The following ELFN2 variants were observed in gnomAD, a reference collection of about 807,000 sequenced individuals.
ELFN2 encodes the protein protein phosphatase 1 regulatory subunit 29.
In ELFN2, 17 loss-of-function variants were observed where a neutral mutation model predicts 45.5. The ratio of observed to expected loss-of-function variants is 0.37; its 90% CI spans 0.26 to 0.56. ELFN2 has a LOEUF of 0.56. Among genes scored for constraint, ELFN2 ranks in the 20% least tolerant of loss-of-function variants. The pLI, the probability that ELFN2 is intolerant of heterozygous loss-of-function variation, is 0.77. For missense variants in ELFN2, 922 were observed against 1,183.2 expected (o/e 0.78, Z 3.24); for synonymous variants, 550 against 551.5 (o/e 1.00, Z 0.04).
intron 1 of ELFN2, among the ~76,000 whole-genome samples, chr22:37,359,917 C>A (rs1931041715): frequency 6.6e-6 from 1 of 152,228 alleles, no homozygotes; most frequent in Non-Finnish European, 1.5e-5. Flanking sequence ...GTTCTGCAGT[C>A]ATGTTTATAC....
intron 2 of ELFN2, among the ~76,000 whole-genome samples, chr22:37,403,071 C>A (rs1932405270): frequency 6.6e-6 from 1 of 152,116 alleles, no homozygotes; most frequent in Non-Finnish European, 1.5e-5. Context: ...GCAGCCTATC[C>A]CAGTTACTAC....
At position 37,417,484 on chromosome 22, in the gene ELFN2, G is replaced by A. The variant is rs948971229; in HGVS notation, c.-463+285C>T. ...CCTCAGCCTCTCTGCCGGGTGATGG[G>A]GCAGGAGCTGGGGTCCTTGAGCCAA... is the stretch of plus-strand genomic sequence containing the variant. On this transcript the variant is annotated intron_variant, in intron 2 of 2. Transcript: ENST00000402918. This position sits in a 1 kb window ranked among gnomAD's most constrained non-coding sequence, Gnocchi z 4.5. Among the ~76,000 whole-genome samples the A allele has an allele frequency of 1.3e-5, 2 of 152,220 alleles. No homozygotes were observed. Among genetic ancestry groups the A allele is most frequent in the Non-Finnish European group, 2.9e-5 (2 of 68,034 alleles).
chr22:37,368,452 TGCCTGACCTTTAGTGAG>T lies in ELFN2; in HGVS notation c.*4603_*4619del, dbSNP rs935485182. On this transcript the variant is annotated 3_prime_UTR_variant, in exon 3 of 3. Transcript: ENST00000402918. ...TCCTCTCCCTCCTGCTCAGCAGGAC[TGCCTGACCTTTAGTGAG>T]GCCTGAAGCCGCCTCTGGAGGCAAG... The T allele has an allele frequency of 5.3e-5, 8 of 152,374 alleles. No homozygotes were observed. Among genetic ancestry groups the T allele is most frequent in the African/African-American group, 1.9e-4 (8 of 41,478 alleles). The allele number at this position is 152,374 out of a possible 1,614,324, so 9.4% of individuals were successfully genotyped here.
intron 2 of ELFN2, among the ~76,000 whole-genome samples, chr22:37,413,584 AG>A (rs1390155815): frequency 1.5e-4 from 22 of 150,964 alleles, no homozygotes; most frequent in Non-Finnish European, 2.5e-4. Flanking sequence ...AAAAAAAAAA[AG>A]ATCCCACAGC....
chr22:37,359,868 C>T (rs1931039941), intron 1 of ELFN2, among the ~76,000 whole-genome samples: 1 of 152,220 alleles, frequency 6.6e-6, no homozygotes, highest in Admixed American at 6.5e-5. Flanking sequence ...AGCAGGGCTA[C>T]CCCACGGGCA....
chr22:37,360,522 G>A (rs932625199), intron 1 of ELFN2, among the ~76,000 whole-genome samples: 2 of 152,312 alleles, frequency 1.3e-5, no homozygotes, highest in African/African-American at 4.8e-5. Flanking sequence ...AAGTCCTCCA[G>A]TTAAGAGCCG....
intron 2 of ELFN2, among the ~76,000 whole-genome samples, chr22:37,392,084 G>A (rs1932099380): frequency 6.6e-6 from 1 of 152,220 alleles, no homozygotes; most frequent in Non-Finnish European, 1.5e-5. Flanking sequence ...CTTCCTTCTT[G>A]CTGTCAGTGC....
chr22:37,374,499 C>G lies in ELFN2; in HGVS notation c.1036G>C (p.Val346Leu). ...TGCGCCCGCAGTTTGTCCAGCGTCA[C>G]GATCTCCTTCTTGTTCTTGAGGGTC... Reference protein sequence around the residue: ...VMTLKNKKEIVTLDKLRAHTE... With the variant: ...VMTLKNKKEILTLDKLRAHTE... The change falls in exon 3 of 3, where the codon GTG (valine) becomes CTG (leucine). Residue 346 changes from valine to leucine, a missense_variant. Around this residue, in one of 2 missense-constraint regions of ELFN2, gnomAD observed 358 missense variants for 540.4 expected, o/e 0.66. Transcript: ENST00000402918. 1 of 1,614,206 alleles carries G rather than the reference C, an allele frequency of 6.2e-7. No homozygotes were observed. The highest frequency in any genetic ancestry group is 8.5e-7 in the Non-Finnish European group (1 of 1,180,032).
downstream of ELFN2, among the ~76,000 whole-genome samples, chr22:37,365,898 C>T (rs1050223480): frequency 1.7e-4 from 15 of 90,536 alleles, no homozygotes; most frequent in African/African-American, 6.8e-4. Context: ...TTTTGTGTCA[C>T]GATATCTGAG....
chr22:37,349,266 A>G (rs1930768432), intron 1 of ELFN2, among the ~76,000 whole-genome samples: 1 of 151,216 alleles, frequency 6.6e-6, no homozygotes, highest in African/African-American at 2.4e-5. Flanking sequence ...CCAGAGGCCA[A>G]TGGGATGAGG....
In ELFN2 at chr22:37,344,428, C is replaced by T. The variant is rs73408378; in HGVS notation, n.149-1725G>A. Among the ~76,000 whole-genome samples the T allele has an allele frequency of 2.6e-3, 399 of 151,996 alleles. 3 individuals are homozygous for T. Among genetic ancestry groups the T allele is most frequent in the African/African-American group, 9.0e-3 (374 of 41,466 alleles). On this transcript the variant is annotated intron_variant and non_coding_transcript_variant, in intron 1 of 2. Coordinates refer to ENST00000452946, the Ensembl canonical transcript of ELFN2. ...CCAAACCCCCAGCATCGCCGGCTCT[C>T]AGCGCCAGGTGGACAGGGCACTGGG... is the stretch of plus-strand genomic sequence containing the variant.
At chr22:37,403,419 G>A (rs1932414639) in intron 2 of ELFN2, among the ~76,000 whole-genome samples, 1 of 150,560 alleles carries the variant, frequency 6.6e-6, no homozygotes, top group African/African-American at 2.5e-5. Flanking sequence ...GCGAGGGGCC[G>A]GAGGGTGGGG....
rs568350336 is a variant in ELFN2, at chr22:37,375,253, G to A, written c.282C>T (p.Ile94=). ...ACTGGCCCAGGAAGGCACCGTCCTC[G>A]ATGTAGGAGATCTCGTTCTTGGTGA... ...LNLTKNEISY[I]EDGAFLGQSS... The change falls in exon 3 of 3, where the codon ATC becomes ATT. Residue 94 remains isoleucine (I), a synonymous_variant. Coordinates refer to ENST00000402918, the MANE Select transcript of ELFN2 (RefSeq NM_052906.5). 11 of 1,614,130 alleles carry A rather than the reference G, an allele frequency of 6.8e-6. No individual in the cohort carries two copies. The highest frequency in any genetic ancestry group is 1.6e-4 in the Middle Eastern group (1 of 6,062).
At chr22:37,364,568 G>A (rs1931160830), downstream of ELFN2, among the ~76,000 whole-genome samples, 1 of 152,126 alleles carries the variant, frequency 6.6e-6, no homozygotes, top group African/African-American at 2.4e-5. Context: ...GGCAGGAAGG[G>A]AGCAGGAAAC....
intron 2 of ELFN2, among the ~76,000 whole-genome samples, chr22:37,383,017 C>T (rs1477299008): frequency 6.6e-6 from 1 of 152,200 alleles, no homozygotes; most frequent in Non-Finnish European, 1.5e-5. Context: ...GGTCTGTTAT[C>T]ACTCTGCTTA....
At position 37,372,831 on chromosome 22, in the gene ELFN2, T is replaced by C; in HGVS notation, c.*241A>G. Reference sequence around the variant, plus strand: ...ACAGTAAAGACGACTGGTTTCGGTATCAGTTTGTAAACTTTAAGGAAAATG... The same window carrying C: ...ACAGTAAAGACGACTGGTTTCGGTACCAGTTTGTAAACTTTAAGGAAAATG... On this transcript the variant is annotated 3_prime_UTR_variant, in exon 3 of 3. Transcript: ENST00000402918. The surrounding 1 kb of genome is among the most constrained non-coding windows in gnomAD (Gnocchi z 4.4). 1.9e-6 allele frequency: 1 copy of C among 521,244 alleles called. No individual in the cohort carries two copies. The allele number at this position is 521,244 out of a possible 1,614,324, so 32.3% of individuals were successfully genotyped here. A position where few individuals can be genotyped will look rare whatever the true frequency, so the allele number is the denominator to read the frequency against.
At chr22:37,412,774 G>A (rs531655470) in intron 2 of ELFN2, among the ~76,000 whole-genome samples, 4 of 152,300 alleles carry the variant, frequency 2.6e-5, no homozygotes, top group South Asian at 2.1e-4. Flanking sequence ...TCAGGCTTGC[G>A]GAGCTGTCTG....
intron 2 of ELFN2, among the ~76,000 whole-genome samples, chr22:37,385,826 C>A (rs1234689930): frequency 6.6e-6 from 1 of 152,188 alleles, no homozygotes; most frequent in Non-Finnish European, 1.5e-5. Context: ...ATACTAACAG[C>A]ATGGATCGGT....
chr22:37,368,075 A>C lies in ELFN2; in HGVS notation c.*4997T>G, dbSNP rs1424116170. 1 of 152,504 alleles carries C rather than the reference A, an allele frequency of 6.6e-6. No homozygotes were observed. Among genetic ancestry groups the C allele is most frequent in the Non-Finnish European group, 1.5e-5 (1 of 68,072 alleles). The allele number at this position is 152,504 out of a possible 1,614,324, so 9.4% of individuals were successfully genotyped here. A position where few individuals can be genotyped will look rare whatever the true frequency, so the allele number is the denominator to read the frequency against. On this transcript the variant is annotated 3_prime_UTR_variant, in exon 3 of 3. Coordinates refer to ENST00000402918, the MANE Select transcript of ELFN2 (RefSeq NM_052906.5). ...CAGTTTTAAAACAGGAAATTGAGGG[A>C]AGGGAGAGGCAGATACAGGGAAGAG...
Sources: allele counts gnomAD v4.1 joint callset (sites outside exome capture counted in the v4.1 genomes callset), GRCh38; gene constraint gnomAD v4.1.1; regional missense constraint gnomAD v4.1.1; non-coding constraint Gnocchi (gnomAD v3.1); transcripts MANE v1.5; gene names NCBI Gene and HGNC (gene_info 2026-07-23, HGNC 2026-07-21).